SIRPA: variants seen among roughly 807,000 people sequenced by gnomAD.
The protein encoded by SIRPA is signal regulatory protein alpha.
A neutral mutation model predicts 50.3 loss-of-function variants in SIRPA; 9 were observed. The observed-to-expected ratio is 0.18, with a 90% CI of 0.11 to 0.31. The LOEUF (loss-of-function observed/expected upper bound fraction) is 0.31. Among genes scored for constraint, SIRPA ranks in the 10% least tolerant of loss-of-function variants. SIRPA has a pLI of 1.00. For missense variants in SIRPA, 474 were observed against 661.6 expected (o/e 0.72, Z 3.11); for synonymous variants, 265 against 284.1 (o/e 0.93, Z 0.68).
intron 1 of SIRPA, among the ~76,000 whole-genome samples, chr20:1,902,980 C>G (rs920128771): frequency 1.3e-5 from 2 of 148,666 alleles, no homozygotes; most frequent in African/African-American, 5.0e-5. Flanking sequence ...CCACTGCACT[C>G]CCGCCTGGGT....
At position 1,922,622 on chromosome 20, in the gene SIRPA, A is replaced by T; in HGVS notation, c.1064A>T (p.Glu355Val). Reference sequence around the variant, plus strand: ...CTGAAGGTCTCAGCCCACCCGAAGGAGCAGGGCTCAAATACCGCCGCTGGT... The same window carrying T: ...CTGAAGGTCTCAGCCCACCCGAAGGTGCAGGGCTCAAATACCGCCGCTGGT... ...HDLKVSAHPK[E>V]QGSNTAAENT... The change falls in exon 4 of 8, where the codon GAG becomes GTG. Residue 355 changes from glutamate (E) to valine (V), a missense_variant. This residue lies in a region of SIRPA where 180 missense variants were observed against 206.7 expected (regional missense o/e 0.87). Transcript: ENST00000358771. 1 of 1,613,012 alleles carries T rather than the reference A, an allele frequency of 6.2e-7. No homozygotes were observed. Among genetic ancestry groups the T allele is most frequent in the East Asian group, 2.2e-5 (1 of 44,878 alleles).
rs11906187 is a variant in SIRPA at position 1,934,858 on chromosome 20, G to A, written c.1266+104G>A. 14,615 of 1,208,438 alleles carry A rather than the reference G, an allele frequency of 0.012. 1,071 individuals are homozygous for A. In the African/African-American group the frequency reaches 0.17, roughly 14 times the overall value. 74.9% of individuals were successfully genotyped at this position (1,208,438 alleles called of 1,614,324 possible). On this transcript the variant is annotated intron_variant, in intron 7 of 7. Transcript: ENST00000358771. The surrounding 1 kb of genome is among the most constrained non-coding windows in gnomAD (Gnocchi z 4.6). ...GTTCTAAATTAAGACTCCTTGTGGGGTGGAGGGTGGAGGATCTTACACTCC... is the reference window on the plus strand; with the variant it reads ...GTTCTAAATTAAGACTCCTTGTGGGATGGAGGGTGGAGGATCTTACACTCC...
At position 1,931,689 on chromosome 20, in the gene SIRPA, G is replaced by A. The variant is rs147719044; in HGVS notation, c.1227-3026G>A. ...TGAGCACCTCAGGGAGGCTGCAAGC[G>A]GGGAGGCTGCCACTTTGAGCTCAAG... On this transcript the variant is annotated intron_variant, in intron 6 of 7. Transcript: ENST00000358771. Among the ~76,000 whole-genome samples, 1,237 of 152,224 alleles carry A rather than the reference G, an allele frequency of 8.1e-3. 10 individuals carry two copies. The highest frequency in any genetic ancestry group is 0.028 in the African/African-American group (1,158 of 41,534).
rs1433446350 is a variant in SIRPA at position 1,934,152 on chromosome 20, A to G, written c.1227-563A>G. On this transcript the variant is annotated intron_variant, in intron 6 of 7. Transcript: ENST00000358771. The surrounding 1 kb of genome is among the most constrained non-coding windows in gnomAD (Gnocchi z 4.6). ...TAAGCAATTTTAACTTAAAAAAAAA[A>G]CCTCCTCATAAACCTTTTAAATCTT... Among the ~76,000 whole-genome samples, 1 of 151,928 alleles carries G rather than the reference A, an allele frequency of 6.6e-6. No individual in the cohort carries two copies. Among genetic ancestry groups the G allele is most frequent in the East Asian group, 1.9e-4 (1 of 5,192 alleles).
intron 1 of SIRPA, among the ~76,000 whole-genome samples, chr20:1,896,099 A>G (rs1440260072): frequency 1.3e-5 from 2 of 152,202 alleles, no homozygotes; most frequent in Admixed American, 6.5e-5. Flanking sequence ...CGGTAACCCC[A>G]GAGCGAGCTG....
At chr20:1,920,060 G>C (rs1485258414) in intron 2 of SIRPA, among the ~76,000 whole-genome samples, 1 of 152,140 alleles carries the variant, frequency 6.6e-6, no homozygotes, top group Non-Finnish European at 1.5e-5. Flanking sequence ...TTCTTAACAG[G>C]GTGGGGTTTG....
rs1260140478 is a variant in SIRPA, at chr20:1,898,071, C to T, written c.79+2545C>T. 5.9e-5 allele frequency among the ~76,000 whole-genome samples: 9 copies of T among 152,232 alleles called. No individual in the cohort carries two copies. The highest frequency in any genetic ancestry group is 2.2e-4 in the African/African-American group (9 of 41,456). On this transcript the variant is annotated intron_variant, in intron 1 of 7. Transcript: ENST00000358771. The surrounding 1 kb of genome is among the most constrained non-coding windows in gnomAD (Gnocchi z 4.3). ...CCTCTGAGTCACCCCCCAGGCCGACCTCAGATAAACTCCCATTCATTTCTT... is the reference window on the plus strand; with the variant it reads ...CCTCTGAGTCACCCCCCAGGCCGACTTCAGATAAACTCCCATTCATTTCTT...
At position 1,902,866 on chromosome 20, in the gene SIRPA, G is replaced by T. The variant is rs191334210; in HGVS notation, c.79+7340G>T. Among the ~76,000 whole-genome samples, 317 of 152,246 alleles carry T rather than the reference G, an allele frequency of 2.1e-3. 1 individual carries two copies. Among genetic ancestry groups the T allele is most frequent in the African/African-American group, 7.1e-3 (296 of 41,542 alleles). On this transcript the variant is annotated intron_variant, in intron 1 of 7. Transcript: ENST00000358771. ...ATCTCCACTAAAAATACAAAAATTAGCCGGGCATGGTGGCGTGCGCCTGGA... is the reference window on the plus strand; with the variant it reads ...ATCTCCACTAAAAATACAAAAATTATCCGGGCATGGTGGCGTGCGCCTGGA...
chr20:1,935,044 T>G (rs552108238), intron 7 of SIRPA, among the ~76,000 whole-genome samples: 6 of 152,294 alleles, frequency 3.9e-5, no homozygotes, highest in South Asian at 4.1e-4. Context: ...TGCAGCTCCC[T>G]TAGTGTGGAT....
Sources: allele counts gnomAD v4.1 joint callset (sites outside exome capture counted in the v4.1 genomes callset), GRCh38; gene constraint gnomAD v4.1.1; regional missense constraint gnomAD v4.1.1; non-coding constraint Gnocchi (gnomAD v3.1); transcripts MANE v1.5; gene names NCBI Gene and HGNC (gene_info 2026-07-23, HGNC 2026-07-21).